TRAFD1: variants seen among roughly 807,000 people sequenced by gnomAD.
TRAFD1 encodes TRAF-type zinc finger domain-containing protein 1.
In TRAFD1, 38 loss-of-function variants were observed where a neutral mutation model predicts 65.3. That is an observed-to-expected ratio of 0.58 (90% CI 0.45 to 0.76). The LOEUF (loss-of-function observed/expected upper bound fraction) is 0.76, where lower values mean the gene tolerates loss of function less well. Ranked by LOEUF, TRAFD1 falls within the 30% of genes least tolerant of loss-of-function variation. TRAFD1 has a pLI of 0.00. For synonymous variants in TRAFD1, 223 were observed against 257.2 expected, an observed-to-expected ratio of 0.87 and a Z score of 1.27; for missense variants, 631 against 712.6, an observed-to-expected ratio of 0.89 and a Z score of 1.30.
intron 9 of TRAFD1, among the ~76,000 whole-genome samples, chr12:112,150,131 C>T (rs1278254679): frequency 6.6e-6 from 1 of 152,192 alleles, no homozygotes; most frequent in Non-Finnish European, 1.5e-5. Context: ...TAATAAGTTT[C>T]TGGTTTCCTA....
intron 8 of TRAFD1, chr12:112,149,530 G>A (rs754473869): frequency 2.1e-5 from 9 of 434,028 alleles, no homozygotes; most frequent in South Asian, 8.4e-5. Context: ...AGCCCTTCCC[G>A]CATCCCTGCA....
chr12:112,133,404 CATGGAATAAA>C (rs963283184), intron 2 of TRAFD1: 1 of 152,200 alleles, frequency 6.6e-6, no homozygotes, highest in African/African-American at 2.4e-5. Flanking sequence ...TTTGACTTTT[CATGGAATAAA>C]ATCCAATGAA....
Position 112,142,738 on chromosome 12 carries a change from A to G in TRAFD1, c.850+443A>G, listed in dbSNP as rs78422968. 5.9e-3 allele frequency among the ~76,000 whole-genome samples: 894 copies of G among 152,258 alleles called. 11 individuals are homozygous for G. The highest frequency in any genetic ancestry group is 0.02 in the African/African-American group (842 of 41,570). The stretch of plus-strand genomic sequence containing the variant: ...GTGACATCCGTATTGTTTACATAGG[A>G]GAAAGCAGTGCCCTTGTTCTTCAAA... On this transcript the variant is annotated intron_variant, in intron 6 of 11. Transcript: ENST00000412615.
rs1466739849 is a variant in TRAFD1, at chr12:112,141,138, T to C, written c.557T>C (p.Leu186Pro). 2 of 1,614,090 alleles carry C rather than the reference T, an allele frequency of 1.2e-6. No individual in the cohort carries two copies. The highest frequency in any genetic ancestry group is 1.7e-6 in the Non-Finnish European group (2 of 1,180,032). Residue 186 changes from leucine (L) to proline (P), a missense_variant, in exon 5 of 12, where the codon CTG becomes CCG. Leu to Pro is a moderately conservative substitution (Grantham distance 98). Coordinates refer to ENST00000412615, the MANE Select transcript of TRAFD1 (RefSeq NM_006700.3). ...CCCATGAGGCTGCCGCGAAGGCCCC[T>C]GAGAGCCTTTGAATCAGATGTTTTC... is the stretch of plus-strand genomic sequence containing the variant. ...DPPMRLPRRP[L>P]RAFESDVFHN...
chr12:112,144,513 C>T (rs1162463488), intron 6 of TRAFD1, among the ~76,000 whole-genome samples: 4 of 152,116 alleles, frequency 2.6e-5, no homozygotes, highest in Non-Finnish European at 5.9e-5. Flanking sequence ...TCAGGTAATC[C>T]ACCCACCTTG....
At chr12:112,133,707 CTTTTT>C (rs1294001209) in intron 2 of TRAFD1, among the ~76,000 whole-genome samples, 1 of 135,598 alleles carries the variant, frequency 7.4e-6, no homozygotes, top group Admixed American at 7.5e-5. Flanking sequence ...GGATTTAGTT[CTTTTT>C]TTTTTTTTTT....
rs2079573785 is a variant in TRAFD1 at position 112,133,044 on chromosome 12, T to C, written c.48-1694T>C. On this transcript the variant is annotated intron_variant, in intron 2 of 11. Transcript: ENST00000412615. The stretch of plus-strand genomic sequence containing the variant: ...GTAAAAGTAAGGCCTTTGAATAGAA[T>C]GTACCTTTAGTTCGAGTACATGTAT... 5.9e-5 allele frequency: 9 copies of C among 152,368 alleles called. No individual in the cohort carries two copies. In the South Asian group the frequency reaches 1.9e-3, roughly 32 times the overall value. The allele number at this position is 152,368 out of a possible 1,614,324, so 9.4% of individuals were successfully genotyped here. A position where few individuals can be genotyped will look rare whatever the true frequency, so the allele number is the denominator to read the frequency against.
In TRAFD1 at chr12:112,144,228, G is replaced by A. The variant is rs569048138; in HGVS notation, c.851-1358G>A. 3.6e-4 allele frequency among the ~76,000 whole-genome samples: 54 copies of A among 151,538 alleles called. 1 individual carries two copies. The South Asian group carries it at 0.01, about 29-fold the overall frequency. ...TAAATGCTTCTGGCAGGCACATAGA[G>A]ATACTACCATTAGGGGTAACTTTAA... is the stretch of plus-strand genomic sequence containing the variant. On this transcript the variant is annotated intron_variant, in intron 6 of 11. Transcript: ENST00000412615.
rs545753010 is a variant in TRAFD1 at position 112,134,001 on chromosome 12, ATTTTTTTT to A, written c.48-718_48-711del. Among the ~76,000 whole-genome samples, 41 of 95,144 alleles carry A rather than the reference ATTTTTTTT, an allele frequency of 4.3e-4. 1 individual carries two copies. The highest frequency in any genetic ancestry group is 2.4e-3 in the South Asian group (6 of 2,468). 62.4% of individuals were successfully genotyped at this position (95,144 alleles called of 152,430 possible). ...CGTTACTGCACCTGGAAAGGATTTA[ATTTTTTTT>A]TTTTTTTTTTTTTTTTTTGAGACAG... On this transcript the variant is annotated intron_variant, in intron 2 of 11. Transcript: ENST00000412615.
At chr12:112,126,340 G>A (rs1007360648) in intron 1 of TRAFD1, among the ~76,000 whole-genome samples, 10 of 152,090 alleles carry the variant, frequency 6.6e-5, no homozygotes, top group Admixed American at 3.9e-4. Context: ...CCCCCAACAG[G>A]CTCCTTATAA....
At chr12:112,127,170 C>T (rs756367821) in intron 1 of TRAFD1, among the ~76,000 whole-genome samples, 3 of 152,094 alleles carry the variant, frequency 2.0e-5, no homozygotes, top group South Asian at 2.1e-4. Flanking sequence ...TGGATTTCCC[C>T]GCATTCCCAT....
Position 112,141,221 on chromosome 12 carries a change from C to A in TRAFD1, c.640C>A (p.Leu214Met), listed in dbSNP as rs1316734694. 6.2e-7 allele frequency: 1 copy of A among 1,613,582 alleles called. No individual in the cohort carries two copies. Among genetic ancestry groups the A allele is most frequent in the African/African-American group, 1.3e-5 (1 of 74,914 alleles). ...AGCCCAGGTTTCAATTCAGAATAAT[C>A]TGTGTGAGTTGTGCTTGGGATTAGG... ...ITAQVSIQNN[L>M]FEEQERQERN... is the part of the protein sequence containing the mutation. The change falls in exon 5 of 12, where the codon CTG (leucine) becomes ATG (methionine). Residue 214 changes from leucine (L) to methionine (M), a missense_variant. By Grantham distance (15) the Leu-to-Met change is conservative. Coordinates refer to ENST00000412615, the MANE Select transcript of TRAFD1 (RefSeq NM_006700.3).
intron 1 of TRAFD1, among the ~76,000 whole-genome samples, chr12:112,129,917 C>T (rs1343822299): frequency 6.6e-6 from 1 of 151,808 alleles, no homozygotes; most frequent in African/African-American, 2.4e-5. Flanking sequence ...CCTGGGATTA[C>T]AGGTGTGAGC....
In TRAFD1 at chr12:112,130,325, TA is replaced by T. The variant is rs1476646523; in HGVS notation, c.-12-182del. 2.4e-6 allele frequency: 1 copy of T among 413,484 alleles called. No individual in the cohort carries two copies. The highest frequency in any genetic ancestry group is 4.3e-6 in the Non-Finnish European group (1 of 231,510). The allele number at this position is 413,484 out of a possible 1,614,324, so 25.6% of individuals were successfully genotyped here. ...TATTTTTTAAAACTCCCTTATCCAA[TA>T]AAATTATTTTAAATTGAAAATTTTA... On this transcript the variant is annotated intron_variant, in intron 1 of 11. Transcript: ENST00000412615. This position sits in a 1 kb window ranked among gnomAD's most constrained non-coding sequence, Gnocchi z 4.4.
At position 112,140,310 on chromosome 12, in the gene TRAFD1, C is replaced by CT. The variant is rs563065627; in HGVS notation, c.238-508dup. ...TGGTGTGTGCCTGAAATCCCAGCTA[C>CT]TCAGGAGGCTGAGGCAGGAGAATCG... On this transcript the variant is annotated intron_variant, in intron 4 of 11. Coordinates refer to ENST00000412615, the MANE Select transcript of TRAFD1 (RefSeq NM_006700.3). The CT allele has an allele frequency of 3.4e-3, 568 of 167,914 alleles. 4 individuals carry two copies. Among genetic ancestry groups the CT allele is most frequent in the African/African-American group, 0.013 (523 of 41,360 alleles). 10.4% of individuals were successfully genotyped at this position (167,914 alleles called of 1,614,324 possible). A position where few individuals can be genotyped will look rare whatever the true frequency, so the allele number is the denominator to read the frequency against.
chr12:112,130,704 C>T lies in TRAFD1; in HGVS notation c.47+135C>T, dbSNP rs2079563238. ...AGCTTTCTATTTTGGTGTTTATAAC[C>T]CACATGAATTACAAGAAAGAGCATC... On this transcript the variant is annotated intron_variant, in intron 2 of 11. Transcript: ENST00000412615. This position sits in a 1 kb window ranked among gnomAD's most constrained non-coding sequence, Gnocchi z 4.4. 1.7e-6 allele frequency: 1 copy of T among 598,956 alleles called. No individual in the cohort carries two copies. The highest frequency in any genetic ancestry group is 2.8e-6 in the Non-Finnish European group (1 of 362,654). The allele number at this position is 598,956 out of a possible 1,614,324, so 37.1% of individuals were successfully genotyped here. A position where few individuals can be genotyped will look rare whatever the true frequency, so the allele number is the denominator to read the frequency against.
At chr12:112,136,356 T>C (rs577528136) in intron 4 of TRAFD1, among the ~76,000 whole-genome samples, 1 of 150,750 alleles carries the variant, frequency 6.6e-6, no homozygotes, top group Non-Finnish European at 1.5e-5. Context: ...CTTGGCTCAC[T>C]GTAACCTCCA....
Position 112,152,653 on chromosome 12 carries a change from G to A in TRAFD1, c.1693-82G>A. ...TGAGAAGGAGGTTTCTAAGGAAGCG[G>A]GACATTTTCGGGGATCCAGGGGAGG... On this transcript the variant is annotated intron_variant, in intron 11 of 11. Transcript: ENST00000412615. The surrounding 1 kb of genome is among the most constrained non-coding windows in gnomAD (Gnocchi z 5.0). 3.7e-6 allele frequency: 6 copies of A among 1,607,246 alleles called. No individual in the cohort carries two copies. The highest frequency in any genetic ancestry group is 5.1e-6 in the Non-Finnish European group (6 of 1,174,720).
rs1420802811 is a variant in TRAFD1, at chr12:112,137,436, T to G, written c.237+2370T>G. Among the ~76,000 whole-genome samples, 1 of 152,124 alleles carries G rather than the reference T, an allele frequency of 6.6e-6. No individual in the cohort carries two copies. The highest frequency in any genetic ancestry group is 1.5e-5 in the Non-Finnish European group (1 of 68,022). ...GCCCATGTGGAACCAAGGACAGTTT[T>G]CCCATTCAGTAGGGAGCATCCCTCA... On this transcript the variant is annotated intron_variant, in intron 4 of 11. Transcript: ENST00000412615. This position sits in a 1 kb window ranked among gnomAD's most constrained non-coding sequence, Gnocchi z 4.2.
Sources: gnomAD v4.1 joint callset for allele counts (sites outside exome capture counted in the v4.1 genomes callset) on GRCh38, gnomAD v4.1.1 for gene constraint, Gnocchi (gnomAD v3.1) non-coding constraint, MANE v1.5 for transcripts, NCBI Gene and HGNC (gene_info 2026-07-23, HGNC 2026-07-21) for gene names.